The following CDH4 variants were observed in gnomAD, a reference collection of about 807,000 sequenced individuals.
CDH4 encodes the protein cadherin-4.
Under a neutral mutation model 86.0 loss-of-function variants are expected in CDH4, and 33 were observed. That is an observed-to-expected ratio of 0.38 (90% confidence interval 0.29 to 0.51). CDH4 has a LOEUF of 0.51. CDH4 is among the 20% of genes least tolerant of loss of function. The probability of loss-of-function intolerance (pLI) is 0.86; values close to 1 mark genes in which losing one functional copy is unlikely to be tolerated. For synonymous variants in CDH4, 555 were observed against 549.4 expected, an observed-to-expected ratio of 1.01 and a Z score of -0.14; for missense variants, 1,114 against 1,307.4, an observed-to-expected ratio of 0.85 and a Z score of 2.28.
intron 2 of CDH4, among the ~76,000 whole-genome samples, chr20:61,315,084 A>T (rs2084468938): frequency 6.6e-6 from 1 of 152,108 alleles, no homozygotes; most frequent in South Asian, 2.1e-4. Context: ...GCCTCCACTC[A>T]CAGCTGGAAG....
chr20:61,898,351 G>A (rs1568874512), intron 8 of CDH4, among the ~76,000 whole-genome samples: 4 of 152,336 alleles, frequency 2.6e-5, no homozygotes, highest in East Asian at 3.9e-4. Context: ...CTCTGAGCGC[G>A]GCTGCACTGC....
At chr20:61,920,662 GTGACTGCATGGAAGCGTGGTGTCGTGA>G (rs2054968216) in intron 9 of CDH4, among the ~76,000 whole-genome samples, 1 of 147,424 alleles carries the variant, frequency 6.8e-6, no homozygotes, top group Non-Finnish European at 1.5e-5. Context: ...TGGTGTCACA[GTGACTGCATGGAAGCGTGGTGTCGTGA>G]TGATTGCATG....
At chr20:61,449,468 C>T (rs928032265) in intron 2 of CDH4, among the ~76,000 whole-genome samples, 18 of 152,296 alleles carry the variant, frequency 1.2e-4, no homozygotes, top group Admixed American at 5.2e-4. Context: ...AGTCTCTCTC[C>T]GTAGCCTGTG....
intron 2 of CDH4, among the ~76,000 whole-genome samples, chr20:61,508,490 G>A (rs1234445126): frequency 6.6e-6 from 1 of 152,224 alleles, no homozygotes; most frequent in Non-Finnish European, 1.5e-5. Context: ...CACTTGGGTT[G>A]GGAAGGCCCC....
rs1357423756 is a variant in CDH4, at chr20:61,269,415, C to T, written c.169+14478C>T. Among the ~76,000 whole-genome samples, 1 of 152,058 alleles carries T rather than the reference C, an allele frequency of 6.6e-6. No homozygotes were observed. Among genetic ancestry groups the T allele is most frequent in the Non-Finnish European group, 1.5e-5 (1 of 68,010 alleles). On this transcript the variant is annotated intron_variant, in intron 2 of 15. Coordinates refer to ENST00000614565, the MANE Select transcript of CDH4 (RefSeq NM_001794.5). The surrounding 1 kb of genome is among the most constrained non-coding windows in gnomAD (Gnocchi z 5.3). Reference sequence around the variant, plus strand: ...CATTTCTAATCCTTAGCCATCAGCTCTGTGACACTGGACCATTTTGTGGCC... The same window carrying T: ...CATTTCTAATCCTTAGCCATCAGCTTTGTGACACTGGACCATTTTGTGGCC...
At chr20:61,896,901 A>C (rs866737414) in intron 8 of CDH4, among the ~76,000 whole-genome samples, 2 of 152,236 alleles carry the variant, frequency 1.3e-5, no homozygotes, top group Middle Eastern at 3.4e-3. Context: ...TCCGAGAAAG[A>C]AAAGGAAGTG....
chr20:61,863,363 G>A (rs114736201), intron 6 of CDH4, among the ~76,000 whole-genome samples: 1,921 of 152,300 alleles, frequency 0.013, 46 homozygotes, highest in African/African-American at 0.042. Context: ...GGGAGAAGGA[G>A]GTGGAAAGAG....
At chr20:61,358,908 G>C (rs1020425999) in intron 2 of CDH4, among the ~76,000 whole-genome samples, 5 of 152,124 alleles carry the variant, frequency 3.3e-5, no homozygotes, top group Non-Finnish European at 2.9e-5. Context: ...GTGACGGGGG[G>C]GTTTACTCCG....
At chr20:61,741,497 C>T (rs1600935764) in intron 2 of CDH4, among the ~76,000 whole-genome samples, 1 of 148,144 alleles carries the variant, frequency 6.8e-6, no homozygotes, top group South Asian at 2.2e-4. Flanking sequence ...TGTGCCTGTA[C>T]TTTTTTTTTT....
rs117887708 is a variant in CDH4, at chr20:61,374,771, G to A, written c.169+119834G>A. 9.5e-3 allele frequency among the ~76,000 whole-genome samples: 1,451 copies of A among 152,232 alleles called. 10 individuals are homozygous for A. Among genetic ancestry groups the A allele is most frequent in the Non-Finnish European group, 0.014 (933 of 68,010 alleles). On this transcript the variant is annotated intron_variant, in intron 2 of 15. Coordinates refer to ENST00000614565, the MANE Select transcript of CDH4 (RefSeq NM_001794.5). ...AGGCCATGATGGGAAGTGGGGGTCC[G>A]ACATGCCTCATGATACCTCTCTGGC...
intron 8 of CDH4, among the ~76,000 whole-genome samples, chr20:61,895,496 C>T (rs113504603): frequency 2.0e-3 from 298 of 152,294 alleles, no homozygotes; most frequent in African/African-American, 6.8e-3. Flanking sequence ...GGCCCCATAC[C>T]GGCTGCCTGG....
intron 2 of CDH4, among the ~76,000 whole-genome samples, chr20:61,368,810 G>C (rs28815582): frequency 0.41 from 62,220 of 152,024 alleles, 14,012 homozygotes; most frequent in East Asian, 0.76. Context: ...AGCCACTGCA[G>C]CCGGCTAGGA....
intron 2 of CDH4, among the ~76,000 whole-genome samples, chr20:61,261,168 G>C (rs2084125741): frequency 6.6e-6 from 1 of 152,206 alleles, no homozygotes; most frequent in South Asian, 2.1e-4. Flanking sequence ...ACCTGCCCCA[G>C]ATTCCTAAGT....
At position 61,807,830 on chromosome 20, in the gene CDH4, A is replaced by G. The variant is rs1039588327; in HGVS notation, c.576+34648A>G. ...CTCTGCACACAGCACATATCCATGC[A>G]GGATGGTCAGTACTGTCGCTTTCGT... On this transcript the variant is annotated intron_variant, in intron 4 of 15. Coordinates refer to ENST00000614565, the MANE Select transcript of CDH4 (RefSeq NM_001794.5). This position sits in a 1 kb window ranked among gnomAD's most constrained non-coding sequence, Gnocchi z 4.5. Among the ~76,000 whole-genome samples, 1 of 152,352 alleles carries G rather than the reference A, an allele frequency of 6.6e-6. No homozygotes were observed. Among genetic ancestry groups the G allele is most frequent in the Middle Eastern group, 3.4e-3 (1 of 294 alleles).
At position 61,501,563 on chromosome 20, in the gene CDH4, C is replaced by T. The variant is rs2085701323; in HGVS notation, c.170-242000C>T. 6.6e-6 allele frequency among the ~76,000 whole-genome samples: 1 copy of T among 152,186 alleles called. No homozygotes were observed. Among genetic ancestry groups the T allele is most frequent in the Non-Finnish European group, 1.5e-5 (1 of 68,034 alleles). On this transcript the variant is annotated intron_variant, in intron 2 of 15. Transcript: ENST00000614565. The surrounding 1 kb of genome is among the most constrained non-coding windows in gnomAD (Gnocchi z 4.2). ...CCTCATCCTTGCTGAATCTCAGAAC[C>T]TTTGGGCCTGCATCTCTGCGGCCCG...
At chr20:61,817,226 G>T (rs891042586) in intron 4 of CDH4, among the ~76,000 whole-genome samples, 1 of 152,216 alleles carries the variant, frequency 6.6e-6, no homozygotes, top group Non-Finnish European at 1.5e-5. Flanking sequence ...AGCTCTTGCA[G>T]GAGCAAGATC....
chr20:61,422,466 AACC>A (rs2085185297), intron 2 of CDH4, among the ~76,000 whole-genome samples: 1 of 63,320 alleles, frequency 1.6e-5, no homozygotes, highest in African/African-American at 6.9e-5. Flanking sequence ...AAAAAAAAAA[AACC>A]AAATCTCCCC....
intron 3 of CDH4, among the ~76,000 whole-genome samples, chr20:61,750,961 G>C (rs1245865229): frequency 6.6e-6 from 1 of 152,094 alleles, no homozygotes; most frequent in African/African-American, 2.4e-5. Context: ...AAAAATTAAA[G>C]AACTATAAAA....
intron 2 of CDH4, among the ~76,000 whole-genome samples, chr20:61,698,268 G>A (rs750167990): frequency 7.2e-5 from 11 of 152,230 alleles, no homozygotes; most frequent in Non-Finnish European, 1.6e-4. Context: ...AGCCCATGCC[G>A]GCGTCTGCCC....
Sources: gnomAD v4.1 joint callset for allele counts (sites outside exome capture counted in the v4.1 genomes callset) on GRCh38, gnomAD v4.1.1 for gene constraint, Gnocchi (gnomAD v3.1) non-coding constraint, MANE v1.5 for transcripts, NCBI Gene and HGNC (gene_info 2026-07-23, HGNC 2026-07-21) for gene names.